CCDC146: variants seen among roughly 807,000 people sequenced by gnomAD.
The protein encoded by CCDC146 is coiled-coil domain-containing protein 146.
Under a neutral mutation model 119.3 loss-of-function variants are expected in CCDC146, and 92 were observed. The observed-to-expected ratio is 0.77, with a 90% confidence interval of 0.65 to 0.92. CCDC146 has a LOEUF of 0.92. Ranked by LOEUF, CCDC146 falls within the 40% of genes least tolerant of loss-of-function variation. The pLI, the probability that CCDC146 is intolerant of heterozygous loss-of-function variation, is 0.00. For missense variants in CCDC146, 1,000 were observed against 1,103.0 expected, an observed-to-expected ratio of 0.91 and a Z score of 1.32; for synonymous variants, 372 against 371.8, an observed-to-expected ratio of 1.00 and a Z score of -0.01.
chr7:77,226,820 T>C (rs1427333468), intron 2 of CCDC146, among the ~76,000 whole-genome samples: 3 of 152,242 alleles, frequency 2.0e-5, no homozygotes, highest in Non-Finnish European at 4.4e-5. Flanking sequence ...CCATTTTCCA[T>C]GTATGATATT....
At chr7:77,280,845 T>C (rs1793749866) in intron 14 of CCDC146, among the ~76,000 whole-genome samples, 192 bp downstream of exon 14, 1 of 152,212 alleles carries the variant, frequency 6.6e-6, no homozygotes, top group African/African-American at 2.4e-5. Context: ...CACAGTGGCA[T>C]GATCCCAGCA....
chr7:77,144,122 G>C (rs186078280), intron 1 of CCDC146, among the ~76,000 whole-genome samples: 1 of 151,760 alleles, frequency 6.6e-6, no homozygotes, highest in African/African-American at 2.4e-5. Flanking sequence ...TCCTTGAAGA[G>C]GTCCTTCACA....
At chr7:77,201,619 A>T (rs1791990591) in intron 2 of CCDC146, among the ~76,000 whole-genome samples, 1 of 151,918 alleles carries the variant, frequency 6.6e-6, no homozygotes, top group African/African-American at 2.4e-5. Flanking sequence ...AAAAAAATGC[A>T]GTGTATAAAT....
intron 1 of CCDC146, among the ~76,000 whole-genome samples, chr7:77,126,401 G>A (rs1790690072): frequency 6.6e-6 from 1 of 152,024 alleles, no homozygotes; most frequent in South Asian, 2.1e-4. Flanking sequence ...CAGGAAGAAT[G>A]AGGTACGCAG....
chr7:77,153,007 C>A (rs908581691), intron 1 of CCDC146, among the ~76,000 whole-genome samples: 3 of 152,124 alleles, frequency 2.0e-5, no homozygotes, highest in Non-Finnish European at 4.4e-5. Context: ...CAACGTCACC[C>A]AGGAAGGAGA....
chr7:77,210,920 A>G (rs1227892378), intron 2 of CCDC146, among the ~76,000 whole-genome samples: 1 of 152,198 alleles, frequency 6.6e-6, no homozygotes. Context: ...CAAGGGGGAT[A>G]TCTGACCCCT....
intron 1 of CCDC146, among the ~76,000 whole-genome samples, chr7:77,149,658 C>G (rs1191863268): frequency 6.6e-6 from 1 of 151,790 alleles, no homozygotes; most frequent in Non-Finnish European, 1.5e-5. Context: ...CCCAGCTACT[C>G]TGGATACTGA....
chr7:77,276,260 C>G (rs1185166336), intron 11 of CCDC146, among the ~76,000 whole-genome samples: 3 of 149,398 alleles, frequency 2.0e-5, no homozygotes, highest in Non-Finnish European at 4.5e-5. Context: ...TCTGTTTGGT[C>G]TGTTTCTAAG....
intron 2 of CCDC146, among the ~76,000 whole-genome samples, chr7:77,175,042 C>T (rs1791481167): frequency 6.6e-6 from 1 of 151,574 alleles, no homozygotes; most frequent in South Asian, 2.1e-4. Flanking sequence ...TCACGGTATT[C>T]CCTAGTTAGG....
chr7:77,205,577 G>T (rs1792068043), intron 2 of CCDC146, among the ~76,000 whole-genome samples: 2 of 152,160 alleles, frequency 1.3e-5, no homozygotes, highest in African/African-American at 4.8e-5. Context: ...GAGCAACATG[G>T]TGAAACCCCA....
At chr7:77,165,531 G>C (rs1308464085) in intron 1 of CCDC146, among the ~76,000 whole-genome samples, 5 of 152,072 alleles carry the variant, frequency 3.3e-5, no homozygotes, top group African/African-American at 1.2e-4. Context: ...GCAGTTTGGG[G>C]TATCACAGAG....
At chr7:77,179,717 A>G (rs1584046149) in intron 2 of CCDC146, among the ~76,000 whole-genome samples, 1 of 152,170 alleles carries the variant, frequency 6.6e-6, no homozygotes, top group Non-Finnish European at 1.5e-5. Flanking sequence ...CGTTCAAAAA[A>G]AACCTTTGTG....
At position 77,280,595 on chromosome 7, in the gene CCDC146, G is replaced by A; in HGVS notation, c.1861G>A (p.Glu621Lys). 1 of 1,614,114 alleles carries A rather than the reference G, an allele frequency of 6.2e-7. No homozygotes were observed. Among genetic ancestry groups the A allele is most frequent in the Middle Eastern group, 1.6e-4 (1 of 6,062 alleles). Residue 621 changes from glutamate to lysine, a missense_variant, in exon 14 of 19, where the codon GAG (glutamate) becomes AAG (lysine). By Grantham distance (56) the Glu-to-Lys change is moderately conservative. Around this residue, in one of 2 missense-constraint regions of CCDC146, gnomAD observed 985 missense variants for 1,045.3 expected, o/e 0.94. Coordinates refer to ENST00000285871, the MANE Select transcript of CCDC146 (RefSeq NM_020879.3). ...TGCCAACACGATCACAATGATCGAAGAGGAGATGGTGCAGCTTCGCAAAAG... is the reference window on the plus strand; with the variant it reads ...TGCCAACACGATCACAATGATCGAAAAGGAGATGGTGCAGCTTCGCAAAAG... ...RLANTITMIE[E>K]EMVQLRKRYE...
In CCDC146 at chr7:77,206,901, G is replaced by A. The variant is rs182679083; in HGVS notation, c.157-30046G>A. Among the ~76,000 whole-genome samples, 108 of 152,134 alleles carry A rather than the reference G, an allele frequency of 7.1e-4. 1 individual carries two copies. The highest frequency in any genetic ancestry group is 3.5e-3 in the South Asian group (17 of 4,822). On this transcript the variant is annotated intron_variant, in intron 2 of 18. Coordinates refer to ENST00000285871, the MANE Select transcript of CCDC146 (RefSeq NM_020879.3). ...AACAATTAAACTATTATGGTAAAGT[G>A]AAAATATTAAACTACTAATTCCCCA...
rs117469764 is a variant in CCDC146, at chr7:77,150,855, A to G, written c.-11-16803A>G. ...AAATAAAATGTGGTTTATTTATGCA[A>G]TGCAATTGAACTCAGCAATAAAAGG... On this transcript the variant is annotated intron_variant, in intron 1 of 18. Coordinates refer to ENST00000285871, the MANE Select transcript of CCDC146 (RefSeq NM_020879.3). Among the ~76,000 whole-genome samples, 1,067 of 152,328 alleles carry G rather than the reference A, an allele frequency of 7.0e-3. 58 individuals carry two copies. In the East Asian group the frequency reaches 0.14, roughly 20 times the overall value.
At chr7:77,224,233 C>T (rs1226225124) in intron 2 of CCDC146, among the ~76,000 whole-genome samples, 1 of 152,198 alleles carries the variant, frequency 6.6e-6, no homozygotes, top group Non-Finnish European at 1.5e-5. Context: ...ATCATGGCTA[C>T]ATTCCTTTCT....
intron 11 of CCDC146, among the ~76,000 whole-genome samples, chr7:77,275,106 C>T (rs571698620): frequency 1.3e-5 from 2 of 149,244 alleles, no homozygotes; most frequent in African/African-American, 2.5e-5. Context: ...GACCCTTGAA[C>T]AACATGGATT....
Position 77,254,489 on chromosome 7 carries a change from AT to A in CCDC146, c.450-5del, listed in dbSNP as rs112665383. The A allele has an allele frequency of 0.069, 65,204 of 942,096 alleles. 45 individuals carry two copies. Among genetic ancestry groups the A allele is most frequent in the East Asian group, 0.13 (3,721 of 29,268 alleles). 58.4% of individuals were successfully genotyped at this position (942,096 alleles called of 1,614,324 possible). A position where few individuals can be genotyped will look rare whatever the true frequency, so the allele number is the denominator to read the frequency against. ...ATTTCTTTGTACTTTTTCAAACTTG[AT>A]TTTTTTTTTTTGCAGCTTAAAGGAA... is the stretch of plus-strand genomic sequence containing the variant. On this transcript the variant is annotated splice_polypyrimidine_tract_variant and intron_variant, in intron 4 of 18. Coordinates refer to ENST00000285871, the MANE Select transcript of CCDC146 (RefSeq NM_020879.3).
chr7:77,196,336 G>A lies in CCDC146; in HGVS notation c.156+28512G>A. ...TCTTAGCCTCTTTGAAGGAGGACTT[G>A]TAGCCACCAGGGTGTGCCTCACTTA... On this transcript the variant is annotated intron_variant, in intron 2 of 18. Transcript: ENST00000285871. This position sits in a 1 kb window ranked among gnomAD's most constrained non-coding sequence, Gnocchi z 4.2. 1 of 1,614,120 alleles carries A rather than the reference G, an allele frequency of 6.2e-7. No individual in the cohort carries two copies. The highest frequency in any genetic ancestry group is 8.5e-7 in the Non-Finnish European group (1 of 1,180,004).
Sources: allele counts gnomAD v4.1 joint callset (sites outside exome capture counted in the v4.1 genomes callset), GRCh38; gene constraint gnomAD v4.1.1; regional missense constraint gnomAD v4.1.1; non-coding constraint Gnocchi (gnomAD v3.1); transcripts MANE v1.5; gene names NCBI Gene and HGNC (gene_info 2026-07-23, HGNC 2026-07-21).